The following NBEA variants were observed in gnomAD, a reference collection of about 807,000 sequenced individuals.
NBEA encodes the protein neurobeachin.
A neutral mutation model predicts 343.4 loss-of-function variants in NBEA; 44 were observed. The observed-to-expected ratio is 0.13, with a 90% CI of 0.10 to 0.16. The LOEUF (loss-of-function observed/expected upper bound fraction) is 0.16, where lower values mean the gene tolerates loss of function less well. Ranked by LOEUF, NBEA falls within the 10% of genes least tolerant of loss-of-function variation. The probability of loss-of-function intolerance (pLI) is 1.00; values close to 1 mark genes in which losing one functional copy is unlikely to be tolerated. For synonymous variants in NBEA, 1,175 were observed against 1,238.7 expected (o/e 0.95, Z 1.08); for missense variants, 2,555 against 3,631.3 (o/e 0.70, Z 7.62).
intron 17 of NBEA, among the ~76,000 whole-genome samples, chr13:35,127,482 A>G (rs1228566469): frequency 2.0e-5 from 3 of 152,184 alleles, no homozygotes; most frequent in African/African-American, 4.8e-5. Flanking sequence ...TTTACTTTTT[A>G]TATATGCTAA....
chr13:35,419,122 A>G (rs978033658), intron 38 of NBEA, among the ~76,000 whole-genome samples: 2 of 152,032 alleles, frequency 1.3e-5, no homozygotes, highest in Non-Finnish European at 2.9e-5. Flanking sequence ...TCATGTCAGC[A>G]CTCAAAAAGT....
At chr13:35,438,563 A>T (rs1018829587) in intron 39 of NBEA, among the ~76,000 whole-genome samples, 22 of 152,212 alleles carry the variant, frequency 1.4e-4, no homozygotes, top group African/African-American at 4.1e-4. Flanking sequence ...TCTAGTAAAC[A>T]TCTTCATTAT....
At chr13:35,009,498 C>G (rs78606405) in intron 1 of NBEA, among the ~76,000 whole-genome samples, 1 of 152,080 alleles carries the variant, frequency 6.6e-6, no homozygotes, top group Non-Finnish European at 1.5e-5. Context: ...GACCCCGAGT[C>G]AAAAATGAGC....
At chr13:35,212,882 T>G (rs2073861446) in intron 33 of NBEA, among the ~76,000 whole-genome samples, 1 of 152,044 alleles carries the variant, frequency 6.6e-6, no homozygotes, top group Admixed American at 6.6e-5. Flanking sequence ...GGCTTTTTTT[T>G]GTCTTTTTCT....
chr13:34,954,267 C>T (rs977907406), intron 1 of NBEA, among the ~76,000 whole-genome samples: 5 of 152,004 alleles, frequency 3.3e-5, no homozygotes, highest in African/African-American at 1.2e-4. Flanking sequence ...GGAACCAATC[C>T]CCCAGAGATA....
chr13:35,120,042 C>T (rs2034518204), intron 16 of NBEA, among the ~76,000 whole-genome samples: 1 of 152,088 alleles, frequency 6.6e-6, no homozygotes, highest in Non-Finnish European at 1.5e-5. Context: ...AATTAGTGTC[C>T]TTGTCCTTAG....
At chr13:35,041,571 T>C (rs1283244644) in intron 2 of NBEA, among the ~76,000 whole-genome samples, 1 of 152,050 alleles carries the variant, frequency 6.6e-6, no homozygotes, top group Non-Finnish European at 1.5e-5. Context: ...CTGGCATATA[T>C]GCAACTATGA....
intron 36 of NBEA, among the ~76,000 whole-genome samples, chr13:35,324,822 T>C (rs1349638683): frequency 2.6e-5 from 4 of 152,136 alleles, no homozygotes; most frequent in Admixed American, 2.0e-4. Context: ...TGCAGAAGGT[T>C]TCTTTTGAGA....
chr13:35,415,133 GC>G (rs2043825864), intron 38 of NBEA, among the ~76,000 whole-genome samples: 1 of 152,102 alleles, frequency 6.6e-6, no homozygotes, highest in South Asian at 2.1e-4. Flanking sequence ...CTGGATATTA[GC>G]CCTTTGTCAG....
chr13:35,649,020 T>C (rs1012027225), intron 51 of NBEA, among the ~76,000 whole-genome samples: 4 of 151,476 alleles, frequency 2.6e-5, no homozygotes, highest in Admixed American at 2.6e-4. Context: ...GAACTTAAAA[T>C]AATTAAAAAA....
At chr13:35,574,277 ATAGG>A (rs1342397864) in intron 45 of NBEA, among the ~76,000 whole-genome samples, 2 of 138,636 alleles carry the variant, frequency 1.4e-5, no homozygotes, top group Non-Finnish European at 3.1e-5. Context: ...TCCATAATAC[ATAGG>A]TAGGATATTC....
At chr13:35,274,251 A>G (rs1275774768) in intron 34 of NBEA, among the ~76,000 whole-genome samples, 2 of 152,252 alleles carry the variant, frequency 1.3e-5, no homozygotes, top group African/African-American at 2.4e-5. Context: ...AAACAGAACC[A>G]ATGACAAAAA....
Position 35,058,595 on chromosome 13 carries a change from A to G in NBEA, c.1093-122A>G, listed in dbSNP as rs149931984. The G allele has an allele frequency of 8.9e-3, 7,045 of 789,362 alleles. 49 individuals are homozygous for G. Among genetic ancestry groups the G allele is most frequent in the Non-Finnish European group, 0.011 (5,739 of 500,112 alleles). The allele number at this position is 789,362 out of a possible 1,614,324, so 48.9% of individuals were successfully genotyped here. A position where few individuals can be genotyped will look rare whatever the true frequency, so the allele number is the denominator to read the frequency against. On this transcript the variant is annotated intron_variant, in intron 7 of 58. Coordinates refer to ENST00000379939, the MANE Select transcript of NBEA (RefSeq NM_001385012.1). ...TATTAAAATAATAAAGTCTTAATTG[A>G]TGCTTTCTTCTATTATTATTGTTAT...
At position 35,045,056 on chromosome 13, in the gene NBEA, T is replaced by C. The variant is rs763498515; in HGVS notation, c.627+9T>C. ...GAGAAAGTGGAATCTGGGTAAGCTG[T>C]GGTCGGAGGGAAAGGTATTCAGTAT... On this transcript the variant is annotated intron_variant, in intron 3 of 58. Coordinates refer to ENST00000379939, the MANE Select transcript of NBEA (RefSeq NM_001385012.1). 3.1e-5 allele frequency: 50 copies of C among 1,599,364 alleles called. No homozygotes were observed. The highest frequency in any genetic ancestry group is 3.9e-5 in the Non-Finnish European group (46 of 1,171,386).
At chr13:35,034,104 T>C (rs1219467941) in intron 1 of NBEA, among the ~76,000 whole-genome samples, 2 of 151,366 alleles carry the variant, frequency 1.3e-5, no homozygotes, top group Admixed American at 1.3e-4. Flanking sequence ...AAATGACTTT[T>C]AGTTTTTCGT....
chr13:35,610,415 A>C (rs538286532), intron 48 of NBEA, among the ~76,000 whole-genome samples: 1 of 152,296 alleles, frequency 6.6e-6, no homozygotes, highest in South Asian at 2.1e-4. Context: ...TCTCAAAAAA[A>C]TAAAATAAAA....
chr13:34,963,808 C>CATTAA (rs1477293431), intron 1 of NBEA, among the ~76,000 whole-genome samples: 19 of 151,848 alleles, frequency 1.3e-4, no homozygotes, highest in African/African-American at 4.6e-4. Flanking sequence ...GTTTTGACTC[C>CATTAA]AGCTAATTAA....
In NBEA at chr13:35,479,752, A is replaced by G. The variant is rs1566197257; in HGVS notation, c.6585+7216A>G. Among the ~76,000 whole-genome samples the G allele has an allele frequency of 1.3e-5, 2 of 152,276 alleles. 1 individual carries two copies. The highest frequency in any genetic ancestry group is 3.9e-4 in the East Asian group (2 of 5,176). On this transcript the variant is annotated intron_variant, in intron 41 of 58. Transcript: ENST00000379939. ...AAACTCCAGTTATACCAGTCTTGCAATATTTTTTGTTGTAAATATACTCAG... is the reference window on the plus strand; with the variant it reads ...AAACTCCAGTTATACCAGTCTTGCAGTATTTTTTGTTGTAAATATACTCAG...
At chr13:35,079,717 T>C (rs1310018009) in intron 10 of NBEA, among the ~76,000 whole-genome samples, 1 of 152,148 alleles carries the variant, frequency 6.6e-6, no homozygotes, top group Admixed American at 6.6e-5. Flanking sequence ...TAGAATAAAA[T>C]CATTTGTTAA....
Sources: gnomAD v4.1 joint callset for allele counts (sites outside exome capture counted in the v4.1 genomes callset) on GRCh38, gnomAD v4.1.1 for gene constraint, MANE v1.5 for transcripts, NCBI Gene and HGNC (gene_info 2026-07-23, HGNC 2026-07-21) for gene names.